TMED10: variants seen among roughly 807,000 people sequenced by gnomAD.
TMED10 encodes the protein transmembrane emp24 domain-containing protein 10.
A neutral mutation model predicts 23.1 loss-of-function variants in TMED10; 7 were observed. That is an observed-to-expected ratio of 0.30 (90% CI 0.17 to 0.57). TMED10 has a LOEUF of 0.57. Among genes scored for constraint, TMED10 ranks in the 20% least tolerant of loss-of-function variants. The pLI, the probability that TMED10 is intolerant of heterozygous loss-of-function variation, is 0.91. For missense variants in TMED10, 162 were observed against 274.8 expected, an observed-to-expected ratio of 0.59 and a Z score of 2.90; for synonymous variants, 113 against 106.9, an observed-to-expected ratio of 1.06 and a Z score of -0.35.
At position 75,171,540 on chromosome 14, in the gene TMED10, A is replaced by G. The variant is rs562501211; in HGVS notation, c.225+4815T>C. Among the ~76,000 whole-genome samples, 116 of 152,242 alleles carry G rather than the reference A, an allele frequency of 7.6e-4. 1 individual carries two copies. Among genetic ancestry groups the G allele is most frequent in the African/African-American group, 2.5e-3 (104 of 41,546 alleles). ...AGTGATTTGCCCGCCTTGGCCTCCC[A>G]AAGCGTTGGGATTACAGACGAGAGC... On this transcript the variant is annotated intron_variant, in intron 1 of 4. Transcript: ENST00000303575.
At chr14:75,159,583 G>C (rs926165134) in intron 1 of TMED10, among the ~76,000 whole-genome samples, 1 of 152,182 alleles carries the variant, frequency 6.6e-6, no homozygotes. Flanking sequence ...GATATGAACA[G>C]TGTCCTTCAA....
chr14:75,165,486 A>G (rs1753366555), intron 1 of TMED10, among the ~76,000 whole-genome samples: 1 of 152,180 alleles, frequency 6.6e-6, no homozygotes, highest in Non-Finnish European at 1.5e-5. Flanking sequence ...TCAGCCTCCC[A>G]AAGTGTTGGG....
chr14:75,164,557 ATATATATATATATATATATATTTTTT>A (rs1400554456), intron 1 of TMED10, among the ~76,000 whole-genome samples: 4 of 14,854 alleles, frequency 2.7e-4, no homozygotes, highest in African/African-American at 1.0e-3. Flanking sequence ...ATATATATAT[ATATATATATATATATATATATTTTTT>A]TTTTTTTTTT....
At chr14:75,167,856 G>A (rs936897213) in intron 1 of TMED10, among the ~76,000 whole-genome samples, 12 of 152,062 alleles carry the variant, frequency 7.9e-5, no homozygotes, top group African/African-American at 2.9e-4. Flanking sequence ...CCAAATTTCT[G>A]AGTCCCTACA....
At chr14:75,156,908 G>A (rs1483337886) in intron 1 of TMED10, among the ~76,000 whole-genome samples, 8 of 48,750 alleles carry the variant, frequency 1.6e-4, no homozygotes, top group African/African-American at 6.6e-4. Flanking sequence ...GCAAGACTCC[G>A]TCTCAAAAAA....
intron 3 of TMED10, 193 bp downstream of exon 3, chr14:75,147,471 G>C (rs1895900918): frequency 1.5e-6 from 1 of 653,898 alleles, no homozygotes. Flanking sequence ...TGGGATTACA[G>C]GAGTGAGCCA....
At chr14:75,156,931 G>GAAAAT (rs1896026881) in intron 1 of TMED10, among the ~76,000 whole-genome samples, 1 of 150,940 alleles carries the variant, frequency 6.6e-6, no homozygotes, top group African/African-American at 2.4e-5. Flanking sequence ...GAAAAGAAAA[G>GAAAAT]AAAAGAAAAG....
chr14:75,154,179 G>A (rs1349773494), intron 1 of TMED10, among the ~76,000 whole-genome samples: 1 of 148,482 alleles, frequency 6.7e-6, no homozygotes, highest in African/African-American at 2.5e-5. Flanking sequence ...ATCACCTGAG[G>A]TCAGGAGTTT....
At chr14:75,176,151 G>A (rs1458450686) in intron 1 of TMED10, 5 of 627,530 alleles carry the variant, frequency 8.0e-6, no homozygotes, top group Non-Finnish European at 1.4e-5. Context: ...GCCCTTCTTG[G>A]GGTTCCCAGG....
chr14:75,176,041 G>A (rs1368950616), intron 1 of TMED10: 1 of 405,994 alleles, frequency 2.5e-6, no homozygotes, highest in Non-Finnish European at 4.5e-6. Flanking sequence ...CATTTATTTG[G>A]AGAACCAAAT....
In TMED10 at chr14:75,134,586, G is replaced by C. The variant is rs907039749; in HGVS notation, c.*299C>G. On this transcript the variant is annotated 3_prime_UTR_variant, in exon 5 of 5. Coordinates refer to ENST00000303575, the MANE Select transcript of TMED10 (RefSeq NM_006827.6). ...CAAACAGATCACACAAGGGAACCCA[G>C]GACAAATGCTGACTTTGGCATTATC... The C allele has an allele frequency of 3.5e-6, 1 of 285,118 alleles. No individual in the cohort carries two copies. Among genetic ancestry groups the C allele is most frequent in the African/African-American group, 2.1e-5 (1 of 46,756 alleles). The allele number at this position is 285,118 out of a possible 1,614,324, so 17.7% of individuals were successfully genotyped here.
At chr14:75,139,809 C>G (rs1895799440) in intron 3 of TMED10, among the ~76,000 whole-genome samples, 1 of 152,060 alleles carries the variant, frequency 6.6e-6, no homozygotes, top group East Asian at 1.9e-4. Flanking sequence ...TTAAAGAAAT[C>G]TCAAGAGACT....
intron 1 of TMED10, among the ~76,000 whole-genome samples, chr14:75,164,770 G>A (rs997652064): frequency 6.8e-6 from 1 of 147,080 alleles, no homozygotes; most frequent in South Asian, 2.2e-4. Flanking sequence ...TGGCAAACTA[G>A]ATAAATTGTG....
chr14:75,134,489 A>G lies in TMED10; in HGVS notation c.*396T>C, dbSNP rs1895724089. ...AAATGAAGTCAACATGGTCACACAAAAATCTTGGTAAAAGAACTAGAATGG... is the reference window on the plus strand; with the variant it reads ...AAATGAAGTCAACATGGTCACACAAGAATCTTGGTAAAAGAACTAGAATGG... On this transcript the variant is annotated 3_prime_UTR_variant, in exon 5 of 5. Coordinates refer to ENST00000303575, the MANE Select transcript of TMED10 (RefSeq NM_006827.6). 6.1e-6 allele frequency: 1 copy of G among 163,182 alleles called. No individual in the cohort carries two copies. Among genetic ancestry groups the G allele is most frequent in the Admixed American group, 5.9e-5 (1 of 16,872 alleles). 10.1% of individuals were successfully genotyped at this position (163,182 alleles called of 1,614,324 possible).
intron 1 of TMED10, chr14:75,176,096 C>T: frequency 1.8e-6 from 1 of 549,166 alleles, no homozygotes; most frequent in Non-Finnish European, 3.3e-6. Context: ...AGGACGTTGA[C>T]AACCGCCCCA....
At position 75,132,387 on chromosome 14, in the gene TMED10, C is replaced by CCG. The variant is rs1895696613; in HGVS notation, c.*2497_*2498insCG. 8.7e-6 allele frequency: 1 copy of CCG among 115,594 alleles called. No homozygotes were observed. The highest frequency in any genetic ancestry group is 1.9e-5 in the Non-Finnish European group (1 of 52,604). The allele number at this position is 115,594 out of a possible 1,614,324, so 7.2% of individuals were successfully genotyped here. On this transcript the variant is annotated 3_prime_UTR_variant, in exon 5 of 5. Transcript: ENST00000303575. ...TGGGCGTTGCAGCAAGACTCCGTCC[C>CCG]CCCCCCCCCAAAAAAAAAAAAGTTT...
intron 2 of TMED10, 155 bp from the exon 3 acceptor site, chr14:75,147,892 G>C: frequency 1.5e-6 from 1 of 685,082 alleles, no homozygotes. Flanking sequence ...GAAAATTCCT[G>C]GCTCTGGCTA....
chr14:75,139,150 C>T (rs1895791660), intron 3 of TMED10: 4 of 452,978 alleles, frequency 8.8e-6, no homozygotes, highest in African/African-American at 8.0e-5. Flanking sequence ...TCTTTCCACA[C>T]CTTTTCTTCT....
chr14:75,132,249 A>G lies in TMED10; in HGVS notation c.*2636T>C, dbSNP rs1266181058. The G allele has an allele frequency of 6.6e-6, 1 of 151,946 alleles. No homozygotes were observed. Among genetic ancestry groups the G allele is most frequent in the Non-Finnish European group, 1.5e-5 (1 of 68,032 alleles). The allele number at this position is 151,946 out of a possible 1,614,324, so 9.4% of individuals were successfully genotyped here. A position where few individuals can be genotyped will look rare whatever the true frequency, so the allele number is the denominator to read the frequency against. On this transcript the variant is annotated 3_prime_UTR_variant, in exon 5 of 5. Transcript: ENST00000303575. ...CTGAAAATACAAAAATTAGCCAGGC[A>G]TGGTGGTGTGCACCTATATTCCCAG...
Sources: allele counts gnomAD v4.1 joint callset (sites outside exome capture counted in the v4.1 genomes callset), GRCh38; gene constraint gnomAD v4.1.1; transcripts MANE v1.5; gene names NCBI Gene and HGNC (gene_info 2026-07-23, HGNC 2026-07-21).